Variants in RTTN observed in about 807,000 individuals in gnomAD.
RTTN encodes rotatin.
RTTN carries 182 observed loss-of-function variants against 269.2 expected under a neutral mutation model. That is an observed-to-expected ratio of 0.68 (90% CI 0.60 to 0.76). The LOEUF is 0.76. Ranked by LOEUF, RTTN falls within the 30% of genes least tolerant of loss-of-function variation. The pLI is 0.00. For missense variants in RTTN, 2,545 were observed against 2,608.6 expected (o/e 0.98, Z 0.53); for synonymous variants, 1,006 against 963.5 (o/e 1.04, Z -0.82).
rs549308012 is a variant in RTTN, at chr18:70,023,774, G to C, written c.5950+948C>G. ...TCATTCATTCTCCACATACCACCCA[G>C]GGCAATTTTTCTTTTCTTTTCTTTG... On this transcript the variant is annotated intron_variant, in intron 44 of 48. Coordinates refer to ENST00000640769, the MANE Select transcript of RTTN (RefSeq NM_173630.4). Among the ~76,000 whole-genome samples the C allele has an allele frequency of 2.1e-4, 32 of 152,160 alleles. No homozygotes were observed. The Middle Eastern group carries it at 0.01, about 49-fold the overall frequency.
At position 70,182,118 on chromosome 18, in the gene RTTN, G is replaced by GT. The variant is rs2061433953; in HGVS notation, c.1306-5274dup. ...TCTCCTAAAAGTACTACAAAATAGTGTGATAACCTTAAGGACTAAAGAAAA... is the reference window on the plus strand; with the variant it reads ...TCTCCTAAAAGTACTACAAAATAGTGTTGATAACCTTAAGGACTAAAGAAAA... On this transcript the variant is annotated intron_variant, in intron 10 of 48. Transcript: ENST00000640769. 2.0e-5 allele frequency among the ~76,000 whole-genome samples: 3 copies of GT among 152,232 alleles called. No individual in the cohort carries two copies. In the South Asian group the frequency reaches 6.2e-4, roughly 32 times the overall value.
At chr18:70,059,724 T>G in intron 36 of RTTN, 126 bp downstream of exon 36, 1 of 580,550 alleles carries the variant, frequency 1.7e-6, no homozygotes, top group South Asian at 7.1e-5. Flanking sequence ...ATCCTAGAGT[T>G]CAATGAGCCT....
intron 43 of RTTN, among the ~76,000 whole-genome samples, chr18:70,027,682 TATC>T: frequency 6.6e-6 from 1 of 152,206 alleles, no homozygotes; most frequent in East Asian, 1.9e-4. Context: ...ACAAGCATAA[TATC>T]ATAAGCATGA....
intron 19 of RTTN, among the ~76,000 whole-genome samples, chr18:70,140,634 AT>A (rs1433657796): frequency 1.2e-4 from 18 of 152,150 alleles, no homozygotes; most frequent in African/African-American, 7.2e-5. Flanking sequence ...CTATAAAAAA[AT>A]CTCTAACCTC....
At chr18:70,171,205 G>C (rs774335430) in intron 11 of RTTN, among the ~76,000 whole-genome samples, 1 of 152,132 alleles carries the variant, frequency 6.6e-6, no homozygotes, top group Non-Finnish European at 1.5e-5. Context: ...ATTTCATGAG[G>C]GCTACTGTCA....
At chr18:70,152,773 C>A (rs1290339685) in intron 14 of RTTN, among the ~76,000 whole-genome samples, 1 of 152,148 alleles carries the variant, frequency 6.6e-6, no homozygotes, top group Non-Finnish European at 1.5e-5. Context: ...ACTACACCAC[C>A]ACATCTCATC....
chr18:70,168,913 G>A lies in RTTN; in HGVS notation c.1631C>T (p.Ala544Val). 1 of 1,613,312 alleles carries A rather than the reference G, an allele frequency of 6.2e-7. No homozygotes were observed. Among genetic ancestry groups the A allele is most frequent in the Non-Finnish European group, 8.5e-7 (1 of 1,179,702 alleles). The part of the protein sequence containing the change: ...SENYSIYKRT[A>V]EAVYSIECTC... ...GCATTCAATTGAATAAACGGCCTCT[G>A]CAGTTCGTTTATAAATACTGTAGTT... is the stretch of plus-strand genomic sequence containing the variant. The change falls in exon 12 of 49, where the codon GCA becomes GTA. Residue 544 changes from alanine to valine, a missense_variant. Ala to Val is a moderately conservative substitution (Grantham distance 64). Transcript: ENST00000640769.
intron 9 of RTTN, among the ~76,000 whole-genome samples, chr18:70,189,474 C>A (rs1186760809): frequency 6.6e-6 from 1 of 152,142 alleles, no homozygotes; most frequent in Non-Finnish European, 1.5e-5. Flanking sequence ...TTATTTATAT[C>A]CTGATGAGTT....
intron 40 of RTTN, chr18:70,031,284 G>GTATA (rs1445608686): frequency 4.2e-6 from 2 of 470,608 alleles, no homozygotes; most frequent in Admixed American, 3.8e-5. Flanking sequence ...AGCGCATATT[G>GTATA]TATATATATG....
chr18:70,018,382 G>A (rs1165976355), intron 45 of RTTN, among the ~76,000 whole-genome samples: 4 of 152,054 alleles, frequency 2.6e-5, no homozygotes, highest in Non-Finnish European at 5.9e-5. Context: ...AAGTATAAAA[G>A]TGCTGCATCA....
At chr18:70,064,609 T>C (rs1334000395) in intron 35 of RTTN, among the ~76,000 whole-genome samples, 1 of 152,122 alleles carries the variant, frequency 6.6e-6, no homozygotes, top group Non-Finnish European at 1.5e-5. Context: ...ATGATTCCAT[T>C]CATACAAAAT....
chr18:70,006,498 T>A lies in RTTN; in HGVS notation c.6422-14A>T. The A allele has an allele frequency of 1.3e-6, 2 of 1,599,136 alleles. No individual in the cohort carries two copies. Among genetic ancestry groups the A allele is most frequent in the Non-Finnish European group, 1.7e-6 (2 of 1,166,490 alleles). ...TAATGACTTTTTCTAAAAATGAACA[T>A]ATATTTTTTAAAAGTTCAGTCCCAG... On this transcript the variant is annotated splice_polypyrimidine_tract_variant and intron_variant, in intron 46 of 48. Coordinates refer to ENST00000640769, the MANE Select transcript of RTTN (RefSeq NM_173630.4).
At chr18:70,153,552 T>C (rs1425319974) in intron 14 of RTTN, among the ~76,000 whole-genome samples, 2 of 152,166 alleles carry the variant, frequency 1.3e-5, no homozygotes, top group Admixed American at 6.6e-5. Context: ...CTCTTTACCA[T>C]ACCGTCCTCA....
chr18:70,082,353 A>T (rs933483759), intron 32 of RTTN, among the ~76,000 whole-genome samples: 1 of 152,180 alleles, frequency 6.6e-6, no homozygotes, highest in African/African-American at 2.4e-5. Context: ...GCCCAAGAAT[A>T]CTAAATTGGA....
chr18:70,113,325 G>A (rs1599614474), intron 27 of RTTN, among the ~76,000 whole-genome samples: 1 of 152,158 alleles, frequency 6.6e-6, no homozygotes, highest in African/African-American at 2.4e-5. Context: ...TTTCATTGGG[G>A]AAATGCAAAT....
At chr18:70,017,045 G>C (rs1470597737) in intron 46 of RTTN, among the ~76,000 whole-genome samples, 4 of 152,110 alleles carry the variant, frequency 2.6e-5, no homozygotes, top group African/African-American at 4.8e-5. Flanking sequence ...TTCCCGAGAG[G>C]CTTCATTGAC....
At position 70,004,203 on chromosome 18, in the gene RTTN, G is replaced by T; in HGVS notation, c.6629C>A (p.Ala2210Asp). 1.9e-6 allele frequency: 3 copies of T among 1,613,630 alleles called. No homozygotes were observed. The highest frequency in any genetic ancestry group is 2.5e-6 in the Non-Finnish European group (3 of 1,179,650). The change falls in exon 49 of 49, where the codon GCC becomes GAC. Residue 2210 changes from alanine (A) to aspartate (D), a missense_variant. Ala to Asp is a moderately radical substitution (Grantham distance 126). Transcript: ENST00000640769. ...GTTTTCAAGACATTTCAAATAATAG[G>T]CATTTAGAGGGTTTGCTTCTGAGTT... ...FPNSEANPLNAYYLKCLENLV... is the reference protein window; with the variant it reads ...FPNSEANPLNDYYLKCLENLV...
chr18:70,109,861 A>G, intron 27 of RTTN, 144 bp from the exon 28 acceptor site: 1 of 637,132 alleles, frequency 1.6e-6, no homozygotes, highest in South Asian at 2.0e-5. Context: ...AGTCTCTATC[A>G]AAATGAGACT....
chr18:70,048,749 G>C (rs967535321), intron 39 of RTTN, among the ~76,000 whole-genome samples: 1 of 152,016 alleles, frequency 6.6e-6, no homozygotes, highest in African/African-American at 2.4e-5. Context: ...TCATTTAAAT[G>C]ATGTCCAAAT....
Sources: allele counts gnomAD v4.1 joint callset (sites outside exome capture counted in the v4.1 genomes callset), GRCh38; gene constraint gnomAD v4.1.1; transcripts MANE v1.5; gene names NCBI Gene and HGNC (gene_info 2026-07-23, HGNC 2026-07-21).